Variants in HOMER2 observed in about 807,000 individuals in gnomAD.
HOMER2 encodes homer protein homolog 2.
A neutral mutation model predicts 47.0 loss-of-function variants in HOMER2; 27 were observed. The observed-to-expected ratio is 0.57, with a 90% CI of 0.42 to 0.79. The LOEUF is 0.79. HOMER2 is among the 30% of genes least tolerant of loss of function. The probability of loss-of-function intolerance (pLI) is 0.00; values close to 1 mark genes in which losing one functional copy is unlikely to be tolerated. For missense variants in HOMER2, 443 were observed against 435.0 expected (o/e 1.02, Z -0.16); for synonymous variants, 161 against 163.8 (o/e 0.98, Z 0.13).
At chr15:82,986,137 T>G (rs960975809), upstream of HOMER2, 14 of 984,954 alleles carry the variant, frequency 1.4e-5, no homozygotes, top group Admixed American at 6.1e-5. Context: ...TGCAAAGCGA[T>G]CCACACGGAG....
intron 1 of HOMER2, among the ~76,000 whole-genome samples, chr15:82,905,127 C>T (rs906754467): frequency 6.6e-6 from 1 of 151,884 alleles, no homozygotes; most frequent in African/African-American, 2.4e-5. Context: ...TGTAACAGAA[C>T]GAAGAGTGCC....
chr15:82,952,748 T>C, upstream of HOMER2: 9 of 971,556 alleles, frequency 9.3e-6, no homozygotes, highest in Non-Finnish European at 1.1e-5. Context: ...GCGGCCGCGC[T>C]GGGGCGGTGC....
At chr15:82,893,044 G>A (rs1459965056) in intron 1 of HOMER2, among the ~76,000 whole-genome samples, 2 of 152,160 alleles carry the variant, frequency 1.3e-5, no homozygotes, top group Admixed American at 6.5e-5. Context: ...ATTCCACTTA[G>A]CTGTTATCCC....
intron 2 of HOMER2, among the ~76,000 whole-genome samples, chr15:82,890,721 T>C (rs2052676035): frequency 6.6e-6 from 1 of 152,208 alleles, no homozygotes; most frequent in Non-Finnish European, 1.5e-5. Flanking sequence ...TTTATCTATA[T>C]TTAAGCCCGA....
At chr15:82,908,078 G>C (rs987906779) in intron 1 of HOMER2, among the ~76,000 whole-genome samples, 1 of 152,162 alleles carries the variant, frequency 6.6e-6, no homozygotes, top group African/African-American at 2.4e-5. Context: ...AAGTAGATGA[G>C]TGGCTGTCCA....
At chr15:82,896,133 G>A (rs2052906592) in intron 1 of HOMER2, among the ~76,000 whole-genome samples, 1 of 152,112 alleles carries the variant, frequency 6.6e-6, no homozygotes, top group African/African-American at 2.4e-5. Flanking sequence ...GGATGCAAAG[G>A]ATGGGGGCAA....
In HOMER2 at chr15:82,936,481, T is replaced by C. The variant is rs576079811; in HGVS notation, c.5+16050A>G. On this transcript the variant is annotated intron_variant, in intron 1 of 8. Transcript: ENST00000450735. ...TTGAAATGATACTATTTTTGGTATA[T>C]TGGATTAAAATTTTAATTTCACTTG... Among the ~76,000 whole-genome samples the C allele has an allele frequency of 3.2e-4, 48 of 152,350 alleles. No homozygotes were observed. In the South Asian group the frequency reaches 7.9e-3, roughly 25 times the overall value.
chr15:82,881,660 A>G (rs1022410834), intron 2 of HOMER2, among the ~76,000 whole-genome samples: 2 of 152,264 alleles, frequency 1.3e-5, no homozygotes, highest in African/African-American at 4.8e-5. Flanking sequence ...GTGGACGAGC[A>G]GAGCCTGAAT....
Position 82,863,240 on chromosome 15 carries a change from C to T in HOMER2, c.387+927G>A, listed in dbSNP as rs148950372. Among the ~76,000 whole-genome samples, 828 of 152,234 alleles carry T rather than the reference C, an allele frequency of 5.4e-3. 5 individuals carry two copies. Among genetic ancestry groups the T allele is most frequent in the Non-Finnish European group, 8.5e-3 (579 of 68,008 alleles). ...GCTATTCTCTCCTTCACAGCCCCCT[C>T]GACAATCTTTCTGCTCTCAGTCCCT... On this transcript the variant is annotated intron_variant, in intron 4 of 8. Coordinates refer to ENST00000450735, the MANE Select transcript of HOMER2 (RefSeq NM_004839.4).
chr15:82,868,539 A>ATT (rs1481856091), intron 3 of HOMER2, among the ~76,000 whole-genome samples: 6 of 62,412 alleles, frequency 9.6e-5, no homozygotes, highest in Non-Finnish European at 2.0e-4. Context: ...ATATATATAT[A>ATT]TATTTTTTTT....
At chr15:82,879,542 T>C (rs915719099) in intron 2 of HOMER2, among the ~76,000 whole-genome samples, 2 of 152,110 alleles carry the variant, frequency 1.3e-5, no homozygotes, top group African/African-American at 2.4e-5. Context: ...TAGTTTGCAA[T>C]AGCATTGTCT....
intron 1 of HOMER2, among the ~76,000 whole-genome samples, chr15:82,923,124 T>C (rs1371268796): frequency 1.3e-5 from 2 of 152,120 alleles, no homozygotes; most frequent in East Asian, 1.9e-4. Flanking sequence ...TCCCCCCAAA[T>C]TGGGCTGCAA....
At chr15:82,876,254 G>C (rs1195157607) in intron 2 of HOMER2, among the ~76,000 whole-genome samples, 1 of 152,248 alleles carries the variant, frequency 6.6e-6, no homozygotes, top group Admixed American at 6.5e-5. Flanking sequence ...TCAGGGACCA[G>C]AGCAGTGTCA....
At chr15:82,861,375 A>G (rs2051783935) in intron 4 of HOMER2, among the ~76,000 whole-genome samples, 1 of 152,236 alleles carries the variant, frequency 6.6e-6, no homozygotes, top group African/African-American at 2.4e-5. Flanking sequence ...CCAGTCATTA[A>G]AACAGTTTTG....
intron 1 of HOMER2, among the ~76,000 whole-genome samples, chr15:82,944,464 C>T (rs1420253728): frequency 1.3e-5 from 2 of 152,068 alleles, no homozygotes; most frequent in Admixed American, 6.5e-5. Flanking sequence ...TTATTTTCAC[C>T]CTGGGGGGAA....
intron 1 of HOMER2, among the ~76,000 whole-genome samples, chr15:82,962,427 A>G (rs1296861185): frequency 6.6e-6 from 1 of 151,512 alleles, no homozygotes; most frequent in Admixed American, 6.6e-5. Flanking sequence ...CTGTAATTGC[A>G]GCACCGTGGG....
chr15:82,945,039 G>C (rs1246196895), intron 1 of HOMER2, among the ~76,000 whole-genome samples: 1 of 152,004 alleles, frequency 6.6e-6, no homozygotes, highest in Admixed American at 6.6e-5. Context: ...ACCAACCTTA[G>C]CAACAACGAT....
intron 2 of HOMER2, among the ~76,000 whole-genome samples, chr15:82,880,802 G>A (rs1006983161): frequency 6.6e-6 from 1 of 152,136 alleles, no homozygotes; most frequent in African/African-American, 2.4e-5. Context: ...TGGAAGAAAA[G>A]AAGAGAGGCC....
chr15:82,929,784 G>A (rs1177484099), intron 1 of HOMER2, among the ~76,000 whole-genome samples: 1 of 151,534 alleles, frequency 6.6e-6, no homozygotes, highest in African/African-American at 2.4e-5. Context: ...AGGCTGAAGT[G>A]TAGGGGCAGG....
Sources: gnomAD v4.1 joint callset for allele counts (sites outside exome capture counted in the v4.1 genomes callset) on GRCh38, gnomAD v4.1.1 for gene constraint, MANE v1.5 for transcripts, NCBI Gene and HGNC (gene_info 2026-07-23, HGNC 2026-07-21) for gene names.